Variants in TUBB2B observed in about 807,000 individuals in gnomAD.
The protein encoded by TUBB2B is tubulin beta 2B class IIb, also known as tubulin beta-2B chain.
Under a neutral mutation model 35.0 loss-of-function variants are expected in TUBB2B, and 5 were observed. The ratio of observed to expected loss-of-function variants is 0.14; its 90% CI spans 0.07 to 0.30. The LOEUF is 0.30. Ranked by LOEUF, TUBB2B falls within the 10% of genes least tolerant of loss-of-function variation. The pLI, the probability that TUBB2B is intolerant of heterozygous loss-of-function variation, is 1.00. For synonymous variants in TUBB2B, 166 were observed against 250.5 expected (o/e 0.66, Z 3.18); for missense variants, 63 against 601.8 (o/e 0.10, Z 9.37).
At chr6:3,225,956 T>A in intron 3 of TUBB2B, 145 bp from the exon 4 acceptor site, 2 of 1,466,970 alleles carry the variant, frequency 1.4e-6, no homozygotes, top group Non-Finnish European at 1.9e-6. Context: ...AAAATATTTG[T>A]TCATGAATAT....
Position 3,227,254 on chromosome 6 carries a change from G to T in TUBB2B, c.57+233C>A, listed in dbSNP as rs937094715. ...CTGCCAAGCAGCCAGCGCGGAGGGAGGCCGAGGGGGTGACGGGGACTCCAA... is the reference window on the plus strand; with the variant it reads ...CTGCCAAGCAGCCAGCGCGGAGGGATGCCGAGGGGGTGACGGGGACTCCAA... On this transcript the variant is annotated intron_variant, in intron 1 of 3. Transcript: ENST00000259818. This position sits in a 1 kb window ranked among gnomAD's most constrained non-coding sequence, Gnocchi z 7.8. Among the ~76,000 whole-genome samples the T allele has an allele frequency of 6.6e-6, 1 of 152,156 alleles. No homozygotes were observed. Among genetic ancestry groups the T allele is most frequent in the African/African-American group, 2.4e-5 (1 of 41,458 alleles).
Position 3,226,701 on chromosome 6 carries a change from C to A in TUBB2B, c.58-32G>T. 1.9e-6 allele frequency: 3 copies of A among 1,567,694 alleles called. No individual in the cohort carries two copies. The highest frequency in any genetic ancestry group is 2.6e-6 in the Non-Finnish European group (3 of 1,137,660). On this transcript the variant is annotated intron_variant, in intron 1 of 3. Transcript: ENST00000259818. This position sits in a 1 kb window ranked among gnomAD's most constrained non-coding sequence, Gnocchi z 5.5. ...CAGAAAGGCTGCATTTAGCCATGAA[C>A]GATGCCCCCAGAAACGCCAAGGCTC...
chr6:3,224,581 A>T lies in TUBB2B; in HGVS notation c.*170T>A. The T allele has an allele frequency of 3.5e-6, 3 of 851,786 alleles. No homozygotes were observed. The highest frequency in any genetic ancestry group is 3.2e-6 in the Non-Finnish European group (2 of 622,462). The allele number at this position is 851,786 out of a possible 1,614,324, so 52.8% of individuals were successfully genotyped here. A position where few individuals can be genotyped will look rare whatever the true frequency, so the allele number is the denominator to read the frequency against. ...ATGTTACATTGATGTCATCAATATT[A>T]CAAAAAAGGAAAAAAAAAGTGACAG... On this transcript the variant is annotated 3_prime_UTR_variant, in exon 4 of 4. Coordinates refer to ENST00000259818, the MANE Select transcript of TUBB2B (RefSeq NM_178012.5).
rs751997675 is a variant in TUBB2B at position 3,226,550 on chromosome 6, A to G, written c.166+11T>C. 1.2e-6 allele frequency: 2 copies of G among 1,611,276 alleles called. No homozygotes were observed. Among genetic ancestry groups the G allele is most frequent in the Admixed American group, 3.3e-5 (2 of 60,016 alleles). On this transcript the variant is annotated intron_variant, in intron 2 of 3. Transcript: ENST00000259818. This position sits in a 1 kb window ranked among gnomAD's most constrained non-coding sequence, Gnocchi z 5.5. ...AACTGAAGGGAGTGGGGGTGGGGCAAGGGTGATTACCAGTGGCTTCATTGT... is the reference window on the plus strand; with the variant it reads ...AACTGAAGGGAGTGGGGGTGGGGCAGGGGTGATTACCAGTGGCTTCATTGT...
At position 3,227,627 on chromosome 6, in the gene TUBB2B, A is replaced by G; in HGVS notation, c.-84T>C. 6.4e-7 allele frequency: 1 copy of G among 1,570,508 alleles called. No individual in the cohort carries two copies. ...ACACACCCACTGCGGGGTCACCGGG[A>G]AGGCGCTCGGGAACCGACGGGCTGA... On this transcript the variant is annotated 5_prime_UTR_variant, in exon 1 of 4. Coordinates refer to ENST00000259818, the MANE Select transcript of TUBB2B (RefSeq NM_178012.5). The surrounding 1 kb of genome is among the most constrained non-coding windows in gnomAD (Gnocchi z 7.8).
In TUBB2B at chr6:3,227,587, G is replaced by T; in HGVS notation, c.-44C>A. 2 of 1,607,142 alleles carry T rather than the reference G, an allele frequency of 1.2e-6. No individual in the cohort carries two copies. Among genetic ancestry groups the T allele is most frequent in the South Asian group, 1.1e-5 (1 of 90,634 alleles). On this transcript the variant is annotated 5_prime_UTR_variant, in exon 1 of 4. Coordinates refer to ENST00000259818, the MANE Select transcript of TUBB2B (RefSeq NM_178012.5). The surrounding 1 kb of genome is among the most constrained non-coding windows in gnomAD (Gnocchi z 7.8). ...TCCTGGTCCGGCGGCGTCTGGGTCT[G>T]TCCGTCCTCCCCTCACACACCCACT...
Position 3,226,101 on chromosome 6 carries a change from C to T in TUBB2B, c.277+58G>A. 1 of 1,500,718 alleles carries T rather than the reference C, an allele frequency of 6.7e-7. No homozygotes were observed. Among genetic ancestry groups the T allele is most frequent in the Non-Finnish European group, 9.3e-7 (1 of 1,079,418 alleles). The allele number at this position is 1,500,718 out of a possible 1,614,324, so 93.0% of individuals were successfully genotyped here. ...CCCTCTGGCAATCACACCTCTTCAG[C>T]CTCCACTGCCCAGCGTAAAATGAAT... On this transcript the variant is annotated intron_variant, in intron 3 of 3. Transcript: ENST00000259818. This position sits in a 1 kb window ranked among gnomAD's most constrained non-coding sequence, Gnocchi z 5.5.
chr6:3,227,466 C>A lies in TUBB2B; in HGVS notation c.57+21G>T. The A allele has an allele frequency of 6.2e-7, 1 of 1,605,342 alleles. No homozygotes were observed. Among genetic ancestry groups the A allele is most frequent in the East Asian group, 2.2e-5 (1 of 44,840 alleles). ...CCAGGTTCGCGCCCCCATTGGACCCCCTCCGCTGCGGCGCGCCCACCTTGG... is the reference window on the plus strand; with the variant it reads ...CCAGGTTCGCGCCCCCATTGGACCCACTCCGCTGCGGCGCGCCCACCTTGG... On this transcript the variant is annotated intron_variant, in intron 1 of 3. Transcript: ENST00000259818. The surrounding 1 kb of genome is among the most constrained non-coding windows in gnomAD (Gnocchi z 7.8).
Position 3,227,526 on chromosome 6 carries a change from G to A in TUBB2B, c.18C>T (p.His6=). 3 of 1,610,632 alleles carry A rather than the reference G, an allele frequency of 1.9e-6. No homozygotes were observed. The highest frequency in any genetic ancestry group is 1.7e-6 in the Non-Finnish European group (2 of 1,179,734). The part of the protein sequence containing the change: MREIV[H]IQAGQCGNQI... Reference sequence around the variant, plus strand: ...GGTTGCCGCACTGGCCCGCCTGGATGTGCACGATCTCACGCATGGTGCCTC... The same window carrying A: ...GGTTGCCGCACTGGCCCGCCTGGATATGCACGATCTCACGCATGGTGCCTC... Residue 6 remains histidine (H), a synonymous_variant, in exon 1 of 4, where the codon CAC becomes CAT. Coordinates refer to ENST00000259818, the MANE Select transcript of TUBB2B (RefSeq NM_178012.5). The surrounding 1 kb of genome is among the most constrained non-coding windows in gnomAD (Gnocchi z 7.8).
rs1757303130 is a variant in TUBB2B at position 3,227,452 on chromosome 6, C to G, written c.57+35G>C. 1.2e-6 allele frequency: 2 copies of G among 1,602,398 alleles called. No individual in the cohort carries two copies. The highest frequency in any genetic ancestry group is 3.3e-5 in the Admixed American group (2 of 59,916). The stretch of plus-strand genomic sequence containing the variant: ...GAGGGGCTCTCGGCCCAGGTTCGCG[C>G]CCCCATTGGACCCCCTCCGCTGCGG... On this transcript the variant is annotated intron_variant, in intron 1 of 3. Coordinates refer to ENST00000259818, the MANE Select transcript of TUBB2B (RefSeq NM_178012.5). The surrounding 1 kb of genome is among the most constrained non-coding windows in gnomAD (Gnocchi z 7.8).
chr6:3,226,179 C>A lies in TUBB2B; in HGVS notation c.257G>T (p.Arg86Ile). 6.2e-7 allele frequency: 1 copy of A among 1,614,074 alleles called. No homozygotes were observed. Among genetic ancestry groups the A allele is most frequent in the South Asian group, 1.1e-5 (1 of 91,054 alleles). The part of the protein sequence containing the change: ...VRSGPFGQIF[R>I]PDNFVFGQSG... Reference sequence around the variant, plus strand: ...CTCACCAAACACGAAATTGTCTGGTCTGAAGATCTGGCCGAATGGTCCAGA... The same window carrying A: ...CTCACCAAACACGAAATTGTCTGGTATGAAGATCTGGCCGAATGGTCCAGA... The change falls in exon 3 of 4, where the codon AGA (arginine) becomes ATA (isoleucine). Residue 86 changes from arginine (R) to isoleucine (I), a missense_variant. By Grantham distance (97) the Arg-to-Ile change is moderately conservative. This residue lies in a region of TUBB2B where 25 missense variants were observed against 120.4 expected (regional missense o/e 0.21). Transcript: ENST00000259818. This position sits in a 1 kb window ranked among gnomAD's most constrained non-coding sequence, Gnocchi z 5.5.
Position 3,226,140 on chromosome 6 carries a change from A to C in TUBB2B, c.277+19T>G. On this transcript the variant is annotated intron_variant, in intron 3 of 3. Transcript: ENST00000259818. The surrounding 1 kb of genome is among the most constrained non-coding windows in gnomAD (Gnocchi z 5.5). ...CGTAAAATGAATCCCTCATGCTCTCAGCCACACCAGGCACTCACCAAACAC... is the reference window on the plus strand; with the variant it reads ...CGTAAAATGAATCCCTCATGCTCTCCGCCACACCAGGCACTCACCAAACAC... 1 of 1,604,438 alleles carries C rather than the reference A, an allele frequency of 6.2e-7. No individual in the cohort carries two copies. Among genetic ancestry groups the C allele is most frequent in the Non-Finnish European group, 8.5e-7 (1 of 1,171,796 alleles).
chr6:3,226,273 CA>C lies in TUBB2B; in HGVS notation c.167-5del, dbSNP rs1386644222. 6.2e-7 allele frequency: 1 copy of C among 1,612,452 alleles called. No individual in the cohort carries two copies. Among genetic ancestry groups the C allele is most frequent in the African/African-American group, 1.3e-5 (1 of 74,900 alleles). ...GCCCGAGGAACATATTTGTTACCTG[CA>C]AGGAACAACAGTGACTTAGACCCTC... On this transcript the variant is annotated splice_region_variant and splice_polypyrimidine_tract_variant and intron_variant, in intron 2 of 3. Transcript: ENST00000259818. This position sits in a 1 kb window ranked among gnomAD's most constrained non-coding sequence, Gnocchi z 5.5.
Position 3,226,326 on chromosome 6 carries a change from T to A in TUBB2B, c.167-57A>T. ...GGCAAGGACCTCTGCAGAGAAGGGC[T>A]TGGCGCCTGCTGCCATCATGCAGAT... On this transcript the variant is annotated intron_variant, in intron 2 of 3. Coordinates refer to ENST00000259818, the MANE Select transcript of TUBB2B (RefSeq NM_178012.5). The surrounding 1 kb of genome is among the most constrained non-coding windows in gnomAD (Gnocchi z 5.5). 6.8e-7 allele frequency: 1 copy of A among 1,473,442 alleles called. No individual in the cohort carries two copies. Among genetic ancestry groups the A allele is most frequent in the Non-Finnish European group, 9.5e-7 (1 of 1,056,638 alleles). The allele number at this position is 1,473,442 out of a possible 1,614,324, so 91.3% of individuals were successfully genotyped here.
chr6:3,226,695 C>A lies in TUBB2B; in HGVS notation c.58-26G>T. 6.3e-7 allele frequency: 1 copy of A among 1,581,252 alleles called. No individual in the cohort carries two copies. On this transcript the variant is annotated intron_variant, in intron 1 of 3. Coordinates refer to ENST00000259818, the MANE Select transcript of TUBB2B (RefSeq NM_178012.5). The surrounding 1 kb of genome is among the most constrained non-coding windows in gnomAD (Gnocchi z 5.5). ...CTGAGACAGAAAGGCTGCATTTAGC[C>A]ATGAACGATGCCCCCAGAAACGCCA...
Position 3,227,518 on chromosome 6 carries a change from G to A in TUBB2B, c.26C>T (p.Ala9Val). 6.2e-7 allele frequency: 1 copy of A among 1,610,194 alleles called. No homozygotes were observed. Among genetic ancestry groups the A allele is most frequent in the African/African-American group, 1.3e-5 (1 of 74,958 alleles). Residue 9 changes from alanine to valine, a missense_variant, in exon 1 of 4, where the codon GCG becomes GTG. By Grantham distance (64) the Ala-to-Val change is moderately conservative. This residue lies in a region of TUBB2B where 25 missense variants were observed against 120.4 expected (regional missense o/e 0.21). Transcript: ENST00000259818. The surrounding 1 kb of genome is among the most constrained non-coding windows in gnomAD (Gnocchi z 7.8). MREIVHIQ[A>V]GQCGNQIGAK... Reference sequence around the variant, plus strand: ...GCCGATCTGGTTGCCGCACTGGCCCGCCTGGATGTGCACGATCTCACGCAT... The same window carrying A: ...GCCGATCTGGTTGCCGCACTGGCCCACCTGGATGTGCACGATCTCACGCAT...
chr6:3,227,463 C>G lies in TUBB2B; in HGVS notation c.57+24G>C, dbSNP rs766978466. 2.5e-6 allele frequency: 4 copies of G among 1,604,662 alleles called. No individual in the cohort carries two copies. The South Asian group carries it at 4.4e-5, about 18-fold the overall frequency. On this transcript the variant is annotated intron_variant, in intron 1 of 3. Coordinates refer to ENST00000259818, the MANE Select transcript of TUBB2B (RefSeq NM_178012.5). The surrounding 1 kb of genome is among the most constrained non-coding windows in gnomAD (Gnocchi z 7.8). ...GGCCCAGGTTCGCGCCCCCATTGGA[C>G]CCCCTCCGCTGCGGCGCGCCCACCT...
At position 3,227,409 on chromosome 6, in the gene TUBB2B, A is replaced by C; in HGVS notation, c.57+78T>G. ...TTGGCGATCCCCAGGCCTTCCCAGG[A>C]CCGCGCCTGGGGACCCCGAGGGGCT... On this transcript the variant is annotated intron_variant, in intron 1 of 3. Transcript: ENST00000259818. The surrounding 1 kb of genome is among the most constrained non-coding windows in gnomAD (Gnocchi z 7.8). The C allele has an allele frequency of 6.4e-7, 1 of 1,574,388 alleles. No individual in the cohort carries two copies. The highest frequency in any genetic ancestry group is 1.1e-5 in the South Asian group (1 of 89,364).
At position 3,226,543 on chromosome 6, in the gene TUBB2B, T is replaced by G; in HGVS notation, c.166+18A>C. Reference sequence around the variant, plus strand: ...GTGGAAAAACTGAAGGGAGTGGGGGTGGGGCAAGGGTGATTACCAGTGGCT... The same window carrying G: ...GTGGAAAAACTGAAGGGAGTGGGGGGGGGGCAAGGGTGATTACCAGTGGCT... On this transcript the variant is annotated intron_variant, in intron 2 of 3. Transcript: ENST00000259818. This position sits in a 1 kb window ranked among gnomAD's most constrained non-coding sequence, Gnocchi z 5.5. 1 of 1,606,018 alleles carries G rather than the reference T, an allele frequency of 6.2e-7. No homozygotes were observed. Among genetic ancestry groups the G allele is most frequent in the Non-Finnish European group, 8.5e-7 (1 of 1,173,238 alleles).
Sources: allele counts gnomAD v4.1 joint callset (sites outside exome capture counted in the v4.1 genomes callset), GRCh38; gene constraint gnomAD v4.1.1; regional missense constraint gnomAD v4.1.1; non-coding constraint Gnocchi (gnomAD v3.1); transcripts MANE v1.5; gene names NCBI Gene and HGNC (gene_info 2026-07-23, HGNC 2026-07-21).